Variants in IFI27 observed in about 807,000 individuals in gnomAD.
IFI27 encodes interferon alpha inducible protein 27, also known as interferon alpha-inducible protein 27, mitochondrial.
Under a neutral mutation model 8.9 loss-of-function variants are expected in IFI27, and 3 were observed. The ratio of observed to expected loss-of-function variants is 0.34; its 90% CI spans 0.15 to 0.87. The LOEUF (loss-of-function observed/expected upper bound fraction) is 0.87. Among genes scored for constraint, IFI27 ranks in the 40% least tolerant of loss-of-function variants. The pLI is 0.51. For missense variants in IFI27, 152 were observed against 157.7 expected (o/e 0.96, Z 0.19); for synonymous variants, 66 against 67.3 (o/e 0.98, Z 0.09).
At chr14:94,107,302 CT>C (rs1421756223), upstream of IFI27, among the ~76,000 whole-genome samples, 1 of 152,166 alleles carries the variant, frequency 6.6e-6, no homozygotes, top group Non-Finnish European at 1.5e-5. Flanking sequence ...AACTCCTGAC[CT>C]CAGGTGATCT....
rs1887398636 is a variant in IFI27 at position 94,116,109 on chromosome 14, AGCCCAAGCCAGGAACAG to A, written c.283+168_283+184del. 2 of 854,720 alleles carry A rather than the reference AGCCCAAGCCAGGAACAG, an allele frequency of 2.3e-6. No homozygotes were observed. Among genetic ancestry groups the A allele is most frequent in the Non-Finnish European group, 3.8e-6 (2 of 524,868 alleles). The allele number at this position is 854,720 out of a possible 1,614,324, so 52.9% of individuals were successfully genotyped here. On this transcript the variant is annotated intron_variant, in intron 4 of 4. Coordinates refer to ENST00000621160, the Ensembl canonical transcript of IFI27. The surrounding 1 kb of genome is among the most constrained non-coding windows in gnomAD (Gnocchi z 4.3). The stretch of plus-strand genomic sequence containing the variant: ...AGGGAGATGGAGGAGGGAGGGAAGG[AGCCCAAGCCAGGAACAG>A]TGCACTCAGGAAGACTCAGCCCGAA...
intron 3 of IFI27, chr14:94,115,369 T>C (rs1887350523): frequency 1.9e-6 from 1 of 521,576 alleles, no homozygotes; most frequent in African/African-American, 1.9e-5. Context: ...AGCTGTCTCT[T>C]TGAGCCGCTC....
upstream of IFI27, among the ~76,000 whole-genome samples, chr14:94,109,366 A>G (rs1223064099): frequency 3.8e-4 from 56 of 148,390 alleles, no homozygotes; most frequent in East Asian, 7.7e-3. Flanking sequence ...GGAAGGGCAG[A>G]GAAGGGCAGG....
At chr14:94,110,105 C>G (rs111491063), upstream of IFI27, among the ~76,000 whole-genome samples, 7 of 152,344 alleles carry the variant, frequency 4.6e-5, no homozygotes, top group African/African-American at 1.4e-4. Flanking sequence ...TCCTGCCACA[C>G]GGGCTCTGCC....
At position 94,116,176 on chromosome 14, in the gene IFI27, C is replaced by A. The variant is rs963358385; in HGVS notation, c.283+234C>A. The stretch of plus-strand genomic sequence containing the variant: ...AGCAGATTTGCTGGGTTACCTGGGG[C>A]GTCTCCTCCCCTCTGGGGTGCAGCC... On this transcript the variant is annotated intron_variant, in intron 4 of 4. Transcript: ENST00000621160. This position sits in a 1 kb window ranked among gnomAD's most constrained non-coding sequence, Gnocchi z 4.3. 3 of 709,750 alleles carry A rather than the reference C, an allele frequency of 4.2e-6. No homozygotes were observed. Among genetic ancestry groups the A allele is most frequent in the Non-Finnish European group, 7.6e-6 (3 of 395,320 alleles). 44.0% of individuals were successfully genotyped at this position (709,750 alleles called of 1,614,324 possible).
At chr14:94,107,682 A>G (rs1349296960), upstream of IFI27, among the ~76,000 whole-genome samples, 1 of 152,066 alleles carries the variant, frequency 6.6e-6, no homozygotes, top group Admixed American at 6.5e-5. Flanking sequence ...TACTATTCTG[A>G]TGCTGGCTTT....
intron 2 of IFI27, 113 bp from the exon 3 acceptor site, chr14:94,114,738 T>A (rs1887322245): frequency 9.3e-7 from 1 of 1,076,272 alleles, no homozygotes; most frequent in East Asian, 2.4e-5. Context: ...CATCCCTTCT[T>A]GTGGCTCCCA....
Position 94,116,148 on chromosome 14 carries a change from C to A in IFI27, c.283+206C>A. 4.0e-6 allele frequency: 3 copies of A among 752,302 alleles called. No individual in the cohort carries two copies. Among genetic ancestry groups the A allele is most frequent in the South Asian group, 1.5e-5 (1 of 67,740 alleles). The allele number at this position is 752,302 out of a possible 1,614,324, so 46.6% of individuals were successfully genotyped here. A position where few individuals can be genotyped will look rare whatever the true frequency, so the allele number is the denominator to read the frequency against. On this transcript the variant is annotated intron_variant, in intron 4 of 4. Transcript: ENST00000621160. The surrounding 1 kb of genome is among the most constrained non-coding windows in gnomAD (Gnocchi z 4.3). ...ACAGTGCACTCAGGAAGACTCAGCCCGAAGCAGATTTGCTGGGTTACCTGG... is the reference window on the plus strand; with the variant it reads ...ACAGTGCACTCAGGAAGACTCAGCCAGAAGCAGATTTGCTGGGTTACCTGG...
upstream of IFI27, among the ~76,000 whole-genome samples, chr14:94,106,565 G>A (rs1036015600): frequency 3.9e-5 from 6 of 152,104 alleles, no homozygotes; most frequent in African/African-American, 7.2e-5. Flanking sequence ...AATGATTGGC[G>A]ATCTTAAACA....
At chr14:94,115,612 G>T in intron 3 of IFI27, 169 bp from the exon 4 acceptor site, 1 of 673,202 alleles carries the variant, frequency 1.5e-6, no homozygotes. Context: ...TACTTTCCCC[G>T]CCTGGCTGTG....
chr14:94,107,922 C>T (rs1259308494), upstream of IFI27, among the ~76,000 whole-genome samples: 1 of 152,062 alleles, frequency 6.6e-6, no homozygotes, highest in African/African-American at 2.4e-5. Flanking sequence ...ACATGTGCTA[C>T]GTTGGTTTGC....
In IFI27 at chr14:94,111,124, C is replaced by T. The variant is rs550722003; in HGVS notation, c.-59+327C>T. 2 of 154,516 alleles carry T rather than the reference C, an allele frequency of 1.3e-5. No individual in the cohort carries two copies. Among genetic ancestry groups the T allele is most frequent in the African/African-American group, 4.8e-5 (2 of 41,628 alleles). The allele number at this position is 154,516 out of a possible 1,614,324, so 9.6% of individuals were successfully genotyped here. A position where few individuals can be genotyped will look rare whatever the true frequency, so the allele number is the denominator to read the frequency against. ...TCCATGCCTGGGCGGGGTGTTGCTT[C>T]CCTATGGAAAGCTTCTGACCTGGAG... On this transcript the variant is annotated intron_variant, in intron 1 of 4. Coordinates refer to ENST00000621160, the Ensembl canonical transcript of IFI27. The surrounding 1 kb of genome is among the most constrained non-coding windows in gnomAD (Gnocchi z 4.3).
Position 94,111,749 on chromosome 14 carries a change from G to A in IFI27, c.67G>A (p.Gly23Ser), listed in dbSNP as rs1595407225. Residue 23 changes from glycine (G) to serine (S), a missense_variant, in exon 2 of 5, where the codon GGC becomes AGC. Coordinates refer to ENST00000621160, the Ensembl canonical transcript of IFI27. The surrounding 1 kb of genome is among the most constrained non-coding windows in gnomAD (Gnocchi z 4.3). ...GGCCAAAGTGGTCAGGGTGGCCTCTGGCTCTGCCGTAGTTTTGCCCCTGGG... is the reference window on the plus strand; with the variant it reads ...GGCCAAAGTGGTCAGGGTGGCCTCTAGCTCTGCCGTAGTTTTGCCCCTGGG... 2.5e-6 allele frequency: 4 copies of A among 1,614,150 alleles called. No individual in the cohort carries two copies. The highest frequency in any genetic ancestry group is 3.3e-4 in the Middle Eastern group (2 of 6,058).
chr14:94,108,471 A>G (rs1887040659), upstream of IFI27, among the ~76,000 whole-genome samples: 1 of 152,248 alleles, frequency 6.6e-6, no homozygotes, highest in Non-Finnish European at 1.5e-5. Flanking sequence ...GAGCCTCAGC[A>G]TTAGGGTGAC....
At position 94,115,773 on chromosome 14, in the gene IFI27, C is replaced by T. The variant is rs781631850; in HGVS notation, c.122-8C>T. The T allele has an allele frequency of 2.5e-6, 4 of 1,591,824 alleles. No homozygotes were observed. The highest frequency in any genetic ancestry group is 3.4e-6 in the Non-Finnish European group (4 of 1,169,920). ...CCCACGCACCGACCCAGCTCCTCTT[C>T]CCTGCAGTTGTGGCCATGGCGGCTG... is the stretch of plus-strand genomic sequence containing the variant. On this transcript the variant is annotated splice_region_variant and splice_polypyrimidine_tract_variant and intron_variant, in intron 3 of 4. Transcript: ENST00000621160.
intron 3 of IFI27, chr14:94,115,415 C>T (rs570081439): frequency 4.1e-5 from 23 of 559,080 alleles, no homozygotes; most frequent in African/African-American, 3.9e-4. Context: ...TGGGCAACAT[C>T]TGCTCCCCTA....
At position 94,116,216 on chromosome 14, in the gene IFI27, G is replaced by A. The variant is rs1887402806; in HGVS notation, c.284-226G>A. ...GGGGTGCAGCCTCCTTCCCTGAAGA[G>A]CGAGGCTGCTTCTAGCTCTGGAGTT... On this transcript the variant is annotated intron_variant, in intron 4 of 4. Transcript: ENST00000621160. The surrounding 1 kb of genome is among the most constrained non-coding windows in gnomAD (Gnocchi z 4.3). 1 of 667,798 alleles carries A rather than the reference G, an allele frequency of 1.5e-6. No individual in the cohort carries two copies. 41.4% of individuals were successfully genotyped at this position (667,798 alleles called of 1,614,324 possible).
chr14:94,116,611 A>C lies in IFI27; in HGVS notation c.*84A>C, dbSNP rs1887427683. The C allele has an allele frequency of 1.1e-6, 1 of 938,522 alleles. No homozygotes were observed. The highest frequency in any genetic ancestry group is 1.7e-6 in the Non-Finnish European group (1 of 586,496). 58.1% of individuals were successfully genotyped at this position (938,522 alleles called of 1,614,324 possible). A position where few individuals can be genotyped will look rare whatever the true frequency, so the allele number is the denominator to read the frequency against. On this transcript the variant is annotated 3_prime_UTR_variant, in exon 5 of 5. Coordinates refer to ENST00000621160, the Ensembl canonical transcript of IFI27. This position sits in a 1 kb window ranked among gnomAD's most constrained non-coding sequence, Gnocchi z 4.3. ...ATCCTGACCCAGCGAGGAGCCAACT[A>C]TCCCAAATATACCTGGGGTGAAATA...
chr14:94,107,411 G>C (rs926319405), upstream of IFI27, among the ~76,000 whole-genome samples: 3 of 152,080 alleles, frequency 2.0e-5, no homozygotes, highest in African/African-American at 7.3e-5. Context: ...TTTTGTTGTT[G>C]AGTTGTAGCA....
Sources: allele counts gnomAD v4.1 joint callset (sites outside exome capture counted in the v4.1 genomes callset), GRCh38; gene constraint gnomAD v4.1.1; non-coding constraint Gnocchi (gnomAD v3.1); transcripts MANE v1.5; gene names NCBI Gene and HGNC (gene_info 2026-07-23, HGNC 2026-07-21).